The following NUCB2 variants were observed in gnomAD, a reference collection of about 807,000 sequenced individuals.
NUCB2 encodes nucleobindin-2.
A neutral mutation model predicts 57.9 loss-of-function variants in NUCB2; 48 were observed. The observed-to-expected ratio is 0.83, with a 90% CI of 0.66 to 1.05. NUCB2 has a LOEUF of 1.05. Ranked by LOEUF, NUCB2 falls within the 50% of genes least tolerant of loss-of-function variation. The pLI is 0.00. For missense variants in NUCB2, 442 were observed against 476.2 expected (o/e 0.93, Z 0.67); for synonymous variants, 139 against 152.1 (o/e 0.91, Z 0.64).
intron 10 of NUCB2, among the ~76,000 whole-genome samples, chr11:17,313,173 T>C (rs1418383421): frequency 6.6e-6 from 1 of 152,066 alleles, no homozygotes; most frequent in Admixed American, 6.6e-5. Flanking sequence ...ATGAATAAAA[T>C]AATTTGTAAC....
chr11:17,312,559 C>T (rs1421052794), intron 10 of NUCB2, among the ~76,000 whole-genome samples: 5 of 152,006 alleles, frequency 3.3e-5, no homozygotes, highest in African/African-American at 1.2e-4. Flanking sequence ...CCCACCACCA[C>T]ACCTAGCTAA....
chr11:17,288,880 TATACACACAC>T (rs1170733747), intron 2 of NUCB2, among the ~76,000 whole-genome samples: 2,204 of 67,470 alleles, frequency 0.033, 179 homozygotes, highest in Middle Eastern at 0.048. Context: ...ATAACATGTA[TATACACACAC>T]ACACACACAC....
chr11:17,315,604 G>T (rs1949126916), intron 11 of NUCB2, 129 bp downstream of exon 11: 1 of 463,598 alleles, frequency 2.2e-6, no homozygotes, highest in Non-Finnish European at 3.8e-6. Flanking sequence ...TTATATAAAT[G>T]TCAGTATAAA....
intron 5 of NUCB2, among the ~76,000 whole-genome samples, chr11:17,308,198 C>T (rs1399603851): frequency 6.6e-6 from 1 of 152,152 alleles, no homozygotes; most frequent in Admixed American, 6.5e-5. Context: ...ACCTACCTTG[C>T]CCCAGCTCTG....
rs1229608955 is a variant in NUCB2, at chr11:17,288,531, TTTCTTCTTCTTC to T, written c.-1+5600_-1+5611del. Among the ~76,000 whole-genome samples, 190 of 136,960 alleles carry T rather than the reference TTTCTTCTTCTTC, an allele frequency of 1.4e-3. 1 individual carries two copies. Among genetic ancestry groups the T allele is most frequent in the Non-Finnish European group, 2.4e-3 (154 of 65,144 alleles). The allele number at this position is 136,960 out of a possible 152,430, so 89.9% of individuals were successfully genotyped here. A position where few individuals can be genotyped will look rare whatever the true frequency, so the allele number is the denominator to read the frequency against. On this transcript the variant is annotated intron_variant, in intron 2 of 13. Coordinates refer to ENST00000529010, the MANE Select transcript of NUCB2 (RefSeq NM_005013.4). ...AAGCCTATTTATTTTATTTTATCTT[TTTCTTCTTCTTC>T]TTCTTCTTCTTTTTTTTTTTTTTTT...
At chr11:17,323,075 T>C (rs1055246183) in intron 11 of NUCB2, among the ~76,000 whole-genome samples, 5 of 152,164 alleles carry the variant, frequency 3.3e-5, no homozygotes, top group Non-Finnish European at 7.4e-5. Context: ...CCTTTATATC[T>C]TTCTCTTGTC....
At chr11:17,295,292 A>G in intron 2 of NUCB2, 32 bp from the exon 3 acceptor site, 2 of 1,586,238 alleles carry the variant, frequency 1.3e-6, no homozygotes, top group Admixed American at 3.7e-5. Flanking sequence ...AACATTATTC[A>G]TGACTTTACC....
intron 2 of NUCB2, among the ~76,000 whole-genome samples, chr11:17,289,030 C>G (rs1944487598): frequency 6.8e-6 from 1 of 147,448 alleles, no homozygotes; most frequent in African/African-American, 2.5e-5. Context: ...CAGTCTCGCT[C>G]ACTGCAACCT....
At chr11:17,342,678 T>C (rs1472555950) in intron 2 of NUCB2, among the ~76,000 whole-genome samples, 5 of 149,662 alleles carry the variant, frequency 3.3e-5, no homozygotes, top group South Asian at 4.4e-4. Context: ...GTCTGAGAGA[T>C]AGTTTGTTAT....
intron 11 of NUCB2, among the ~76,000 whole-genome samples, chr11:17,320,373 A>G (rs1949858295): frequency 6.6e-6 from 1 of 152,152 alleles, no homozygotes; most frequent in Non-Finnish European, 1.5e-5. Context: ...TTTTGTTTAG[A>G]TTTTGTTGTT....
chr11:17,314,395 T>G (rs1472966174), intron 10 of NUCB2, among the ~76,000 whole-genome samples: 1 of 152,162 alleles, frequency 6.6e-6, no homozygotes, highest in Non-Finnish European at 1.5e-5. Context: ...TGTAATATGA[T>G]CCCAAATCCC....
chr11:17,317,816 A>G (rs915846717), intron 11 of NUCB2: 1 of 172,810 alleles, frequency 5.8e-6, no homozygotes, highest in Middle Eastern at 5.1e-4. Flanking sequence ...AGCCCACCAT[A>G]GTGAGAGAAT....
chr11:17,320,133 C>T (rs1010699852), intron 11 of NUCB2, among the ~76,000 whole-genome samples: 10 of 152,134 alleles, frequency 6.6e-5, no homozygotes, highest in Admixed American at 1.3e-4. Flanking sequence ...TTTATCTACT[C>T]ACTTACTTTG....
chr11:17,301,401 C>T (rs1946722686), intron 4 of NUCB2, among the ~76,000 whole-genome samples: 2 of 151,138 alleles, frequency 1.3e-5, no homozygotes, highest in Non-Finnish European at 2.9e-5. Flanking sequence ...GCCCCAGCCT[C>T]CCAGGTAGCT....
At chr11:17,313,230 A>G (rs1948763956) in intron 10 of NUCB2, among the ~76,000 whole-genome samples, 5 of 152,028 alleles carry the variant, frequency 3.3e-5, no homozygotes, top group Admixed American at 3.3e-4. Flanking sequence ...CATATCAGGT[A>G]TAAAACTTTT....
chr11:17,329,370 C>T (rs1951094843), intron 11 of NUCB2, among the ~76,000 whole-genome samples: 1 of 152,174 alleles, frequency 6.6e-6, no homozygotes, highest in Non-Finnish European at 1.5e-5. Flanking sequence ...CTAGGAATTA[C>T]AGTCCTCCTT....
downstream of NUCB2, among the ~76,000 whole-genome samples, chr11:17,336,967 GTCTC>G (rs1229734824): frequency 2.0e-5 from 3 of 151,710 alleles, no homozygotes; most frequent in Admixed American, 6.6e-5. Context: ...TAGAGATGGG[GTCTC>G]TCTCTGTCAT....
downstream of NUCB2, among the ~76,000 whole-genome samples, chr11:17,336,923 A>C (rs1951862863): frequency 6.6e-6 from 1 of 152,010 alleles, no homozygotes; most frequent in Non-Finnish European, 1.5e-5. Context: ...GAAAATTATA[A>C]AATTTTTTTG....
At chr11:17,286,326 C>T (rs1385960253) in intron 2 of NUCB2, among the ~76,000 whole-genome samples, 3 of 152,162 alleles carry the variant, frequency 2.0e-5, no homozygotes, top group Admixed American at 6.5e-5. Flanking sequence ...CAGGAACCTC[C>T]GTGCCCAGCA....
Sources: allele counts gnomAD v4.1 joint callset (sites outside exome capture counted in the v4.1 genomes callset), GRCh38; gene constraint gnomAD v4.1.1; transcripts MANE v1.5; gene names NCBI Gene and HGNC (gene_info 2026-07-23, HGNC 2026-07-21).